Variants in RHOBTB3 observed in about 807,000 individuals in gnomAD.
RHOBTB3 encodes rho-related BTB domain-containing protein 3.
In RHOBTB3, 47 loss-of-function variants were observed where a neutral mutation model predicts 67.2. The ratio of observed to expected loss-of-function variants is 0.70; its 90% CI spans 0.55 to 0.89. The LOEUF (loss-of-function observed/expected upper bound fraction) is 0.89. Ranked by LOEUF, RHOBTB3 falls within the 40% of genes least tolerant of loss-of-function variation. The pLI is 0.00. For synonymous variants in RHOBTB3, 273 were observed against 274.2 expected (o/e 1.00, Z 0.04); for missense variants, 631 against 750.0 (o/e 0.84, Z 1.85).
At chr5:95,770,277 C>A in intron 8 of RHOBTB3, 1 of 296,578 alleles carries the variant, frequency 3.4e-6, no homozygotes, top group Non-Finnish European at 6.9e-6. Flanking sequence ...TTACAGATGC[C>A]CTTAATGCTA....
At position 95,732,042 on chromosome 5, in the gene RHOBTB3, G is replaced by A. The variant is rs759345323; in HGVS notation, c.186G>A (p.Ala62=). ...RPVFTEYQAS[A]FGNVKLVVHD... ...TGTTCACCGAGTATCAGGCCAGTGC[G>A]TTTGGGAATGTCAAGCTGGTGGTCC... is the stretch of plus-strand genomic sequence containing the variant. The change falls in exon 2 of 12, where the codon GCG becomes GCA. Residue 62 remains alanine, a synonymous_variant. Coordinates refer to ENST00000379982, the MANE Select transcript of RHOBTB3 (RefSeq NM_014899.4). 4.3e-6 allele frequency: 7 copies of A among 1,614,102 alleles called. No individual in the cohort carries two copies. In the East Asian group the frequency reaches 1.1e-4, roughly 26 times the overall value.
At chr5:95,731,773 C>G in intron 1 of RHOBTB3, 86 bp from the exon 2 acceptor site, 3 of 1,602,964 alleles carry the variant, frequency 1.9e-6, no homozygotes, top group Non-Finnish European at 2.6e-6. Flanking sequence ...CCTCGCCGCG[C>G]GCTGTCCCCC....
chr5:95,778,921 C>G (rs1466450545), intron 8 of RHOBTB3, among the ~76,000 whole-genome samples: 3 of 152,202 alleles, frequency 2.0e-5, no homozygotes, highest in Non-Finnish European at 4.4e-5. Context: ...TTCCCTGCTC[C>G]TCAGGTAGGT....
At chr5:95,786,802 C>A (rs1746236669) in intron 10 of RHOBTB3, among the ~76,000 whole-genome samples, 1 of 152,066 alleles carries the variant, frequency 6.6e-6, no homozygotes, top group Non-Finnish European at 1.5e-5. Context: ...AATTCTGTTG[C>A]TTATTTCAGT....
rs754122017 is a variant in RHOBTB3 at position 95,732,152 on chromosome 5, C to G, written c.228+68C>G. On this transcript the variant is annotated intron_variant, in intron 2 of 11. Transcript: ENST00000379982. ...TTCTTTCCTTTTTTTTCCCCCTCCC[C>G]CTTCTGCCCACTTCCGTGAGTGTGG... 98 of 1,415,982 alleles carry G rather than the reference C, an allele frequency of 6.9e-5. 1 individual carries two copies. The South Asian group carries it at 1.0e-3, about 15-fold the overall frequency. The allele number at this position is 1,415,982 out of a possible 1,614,324, so 87.7% of individuals were successfully genotyped here.
intron 8 of RHOBTB3, among the ~76,000 whole-genome samples, chr5:95,778,246 C>G (rs1392585522): frequency 6.6e-6 from 1 of 152,136 alleles, no homozygotes; most frequent in South Asian, 2.1e-4. Context: ...TGCATGTAAC[C>G]TATGAGTATC....
upstream of RHOBTB3, among the ~76,000 whole-genome samples, chr5:95,727,376 A>G (rs1755087786): frequency 6.6e-6 from 1 of 152,218 alleles, no homozygotes; most frequent in Non-Finnish European, 1.5e-5. Flanking sequence ...TAAGGAACCA[A>G]CACGTTTTTC....
chr5:95,759,890 T>C (rs1037971125), intron 6 of RHOBTB3, among the ~76,000 whole-genome samples: 4 of 152,160 alleles, frequency 2.6e-5, no homozygotes, highest in African/African-American at 9.7e-5. Flanking sequence ...TCAGGAATAT[T>C]TGCCTTGAGC....
chr5:95,766,001 G>A (rs1373628846), intron 7 of RHOBTB3, among the ~76,000 whole-genome samples: 5 of 151,996 alleles, frequency 3.3e-5, no homozygotes, highest in Admixed American at 6.5e-5. Flanking sequence ...TAAGCGTGGC[G>A]GTCACTTGAC....
intron 6 of RHOBTB3, among the ~76,000 whole-genome samples, chr5:95,756,946 AG>A (rs1319078583): frequency 6.6e-6 from 1 of 152,224 alleles, no homozygotes; most frequent in African/African-American, 2.4e-5. Context: ...AATGAAATCA[AG>A]TGTCTACACC....
intron 3 of RHOBTB3, 127 bp downstream of exon 3, chr5:95,737,202 G>A (rs1301279723): frequency 1.2e-5 from 7 of 583,142 alleles, no homozygotes; most frequent in Non-Finnish European, 2.0e-5. Context: ...TTCAATGCCA[G>A]CTGCTATCGC....
At chr5:95,765,294 C>G (rs984106591) in intron 7 of RHOBTB3, among the ~76,000 whole-genome samples, 1 of 152,164 alleles carries the variant, frequency 6.6e-6, no homozygotes, top group African/African-American at 2.4e-5. Context: ...TAACCCTAAA[C>G]CTTTTCTTGA....
intron 3 of RHOBTB3, among the ~76,000 whole-genome samples, chr5:95,744,992 GC>G (rs1744828705): frequency 6.6e-6 from 1 of 152,030 alleles, no homozygotes; most frequent in African/African-American, 2.4e-5. Flanking sequence ...GATCACTTGA[GC>G]CTGGGGGAGG....
At chr5:95,736,836 GGATT>G in intron 2 of RHOBTB3, 49 bp from the exon 3 acceptor site, 2 of 1,165,820 alleles carry the variant, frequency 1.7e-6, no homozygotes, top group Non-Finnish European at 1.2e-6. Context: ...AATTATTTCA[GGATT>G]GATTGGACGA....
At chr5:95,782,652 CA>C (rs907974323) in intron 9 of RHOBTB3, 15 of 151,428 alleles carry the variant, frequency 9.9e-5, no homozygotes, top group African/African-American at 2.9e-4. Context: ...ACAAAAAATA[CA>C]AAAAAAATTA....
intron 5 of RHOBTB3, among the ~76,000 whole-genome samples, chr5:95,754,140 A>G (rs1011504632): frequency 6.6e-6 from 1 of 152,142 alleles, no homozygotes; most frequent in Non-Finnish European, 1.5e-5. Flanking sequence ...GTGGGTCTTC[A>G]TGTGAGGGCA....
chr5:95,764,039 G>A (rs1460093198), intron 7 of RHOBTB3, among the ~76,000 whole-genome samples: 2 of 152,112 alleles, frequency 1.3e-5, no homozygotes, highest in Non-Finnish European at 2.9e-5. Context: ...CAAACTCCTG[G>A]GCTCAAGCGA....
chr5:95,722,372 A>ATT (rs1295652534), intron 1 of RHOBTB3, among the ~76,000 whole-genome samples: 1 of 152,252 alleles, frequency 6.6e-6, no homozygotes, highest in Non-Finnish European at 1.5e-5. Context: ...TTTCTGTATG[A>ATT]TTACAAATGG....
chr5:95,726,937 A>G (rs1435298755), upstream of RHOBTB3, among the ~76,000 whole-genome samples: 1 of 151,990 alleles, frequency 6.6e-6, no homozygotes, highest in Non-Finnish European at 1.5e-5. Context: ...AACATTAACT[A>G]GTAGTAAAGC....
Sources: allele counts gnomAD v4.1 joint callset (sites outside exome capture counted in the v4.1 genomes callset), GRCh38; gene constraint gnomAD v4.1.1; transcripts MANE v1.5; gene names NCBI Gene and HGNC (gene_info 2026-07-23, HGNC 2026-07-21).